The following PPARGC1A variants were observed in gnomAD, a reference collection of about 807,000 sequenced individuals.
PPARGC1A encodes the protein PPARG coactivator 1 alpha, also known as peroxisome proliferator-activated receptor gamma coactivator 1-alpha.
Under a neutral mutation model 88.7 loss-of-function variants are expected in PPARGC1A, and 25 were observed. The ratio of observed to expected loss-of-function variants is 0.28; its 90% CI spans 0.21 to 0.39. PPARGC1A has a LOEUF of 0.39. Among genes scored for constraint, PPARGC1A ranks in the 10% least tolerant of loss-of-function variants. The pLI is 1.00. For synonymous variants in PPARGC1A, 363 were observed against 355.6 expected (o/e 1.02, Z -0.24); for missense variants, 880 against 968.7 (o/e 0.91, Z 1.22).
At chr4:24,201,703 A>G in the PPARGC1A span, among the ~76,000 whole-genome samples, 4 of 152,354 alleles carry the variant, frequency 2.6e-5, no homozygotes, top group East Asian at 7.7e-4. Flanking sequence ...ACACATAAAA[A>G]TTATGAAAGT....
At chr4:24,142,842 G>GT in the PPARGC1A span, among the ~76,000 whole-genome samples, 17 of 152,270 alleles carry the variant, frequency 1.1e-4, no homozygotes, top group African/African-American at 4.1e-4. Context: ...AGAGTTCTAA[G>GT]TTTTAGAATT....
chr4:24,119,363 G>T, the PPARGC1A span, among the ~76,000 whole-genome samples: 2 of 152,118 alleles, frequency 1.3e-5, no homozygotes, highest in Non-Finnish European at 2.9e-5. Flanking sequence ...TGTTTCACCA[G>T]ACCTGAAAGA....
At chr4:23,908,879 A>G (rs1720393954), upstream of PPARGC1A, among the ~76,000 whole-genome samples, 1 of 152,196 alleles carries the variant, frequency 6.6e-6, no homozygotes, top group African/African-American at 2.4e-5. Context: ...TGTAGAACAC[A>G]AGATAAAAGT....
the PPARGC1A span, among the ~76,000 whole-genome samples, chr4:24,162,351 C>T: frequency 1.3e-5 from 2 of 152,098 alleles, no homozygotes; most frequent in Non-Finnish European, 2.9e-5. Flanking sequence ...ACCTGTTCCC[C>T]AATAACCTAT....
At chr4:24,048,610 C>T in the PPARGC1A span, among the ~76,000 whole-genome samples, 1 of 152,314 alleles carries the variant, frequency 6.6e-6, no homozygotes, top group East Asian at 1.9e-4. Context: ...TCAAGCCAGT[C>T]TTGCCAATAT....
intron 10 of PPARGC1A, among the ~76,000 whole-genome samples, chr4:23,807,724 GT>G (rs907003976): frequency 2.0e-5 from 3 of 151,578 alleles, no homozygotes; most frequent in African/African-American, 4.9e-5. Flanking sequence ...CTTGTGTTGT[GT>G]TTTTTTCTTT....
At chr4:24,074,310 C>A in the PPARGC1A span, among the ~76,000 whole-genome samples, 1 of 151,786 alleles carries the variant, frequency 6.6e-6, no homozygotes, top group Admixed American at 6.6e-5. Context: ...CTACCAATTT[C>A]CGTTTCCTCA....
chr4:24,030,642 T>C, the PPARGC1A span, among the ~76,000 whole-genome samples: 2 of 152,176 alleles, frequency 1.3e-5, no homozygotes. Context: ...TTCTCACTTG[T>C]GTTAAAAATG....
chr4:24,066,849 G>GTTTTTTT, the PPARGC1A span, among the ~76,000 whole-genome samples: 20 of 100,860 alleles, frequency 2.0e-4, no homozygotes, highest in South Asian at 3.2e-4. Context: ...TTTGTTTTGG[G>GTTTTTTT]TTTTTTTTTT....
At chr4:24,378,729 T>G in the PPARGC1A span, among the ~76,000 whole-genome samples, 1 of 152,198 alleles carries the variant, frequency 6.6e-6, no homozygotes, top group Non-Finnish European at 1.5e-5. Context: ...CATAATAGCT[T>G]TCATCTTCAA....
chr4:24,355,732 C>A, the PPARGC1A span, among the ~76,000 whole-genome samples: 1 of 152,050 alleles, frequency 6.6e-6, no homozygotes, highest in African/African-American at 2.4e-5. Flanking sequence ...CACAAACCCG[C>A]CGAGAGACAA....
the PPARGC1A span, among the ~76,000 whole-genome samples, chr4:24,315,434 G>A: frequency 0.26 from 40,172 of 152,042 alleles, 5,593 homozygotes; most frequent in African/African-American, 0.35. Context: ...CATAGCGTTA[G>A]GTGCCAAACA....
the PPARGC1A span, among the ~76,000 whole-genome samples, chr4:24,060,140 A>T: frequency 1.3e-5 from 2 of 152,198 alleles, no homozygotes; most frequent in Non-Finnish European, 2.9e-5. Context: ...GAAGATGTGA[A>T]TAAAGATTGA....
At chr4:24,321,650 C>T in the PPARGC1A span, among the ~76,000 whole-genome samples, 1 of 152,224 alleles carries the variant, frequency 6.6e-6, no homozygotes, top group African/African-American at 2.4e-5. Context: ...TTGTCAGAAG[C>T]TGCAGAATGT....
chr4:23,977,874 A>T, the PPARGC1A span, among the ~76,000 whole-genome samples: 2 of 152,164 alleles, frequency 1.3e-5, no homozygotes, highest in Non-Finnish European at 2.9e-5. Flanking sequence ...TTTTCAAGAC[A>T]TTTCTGTATT....
the PPARGC1A span, among the ~76,000 whole-genome samples, chr4:23,919,867 T>G: frequency 7.2e-5 from 11 of 152,106 alleles, no homozygotes; most frequent in Admixed American, 1.3e-4. Context: ...TTGGATCAAA[T>G]CGGAAGAATC....
chr4:24,440,853 A>G, the PPARGC1A span, among the ~76,000 whole-genome samples: 1 of 152,232 alleles, frequency 6.6e-6, no homozygotes, highest in East Asian at 1.9e-4. Flanking sequence ...AATTGCCAAC[A>G]TTTAAAAATC....
chr4:24,149,071 T>C, the PPARGC1A span, among the ~76,000 whole-genome samples: 2 of 151,648 alleles, frequency 1.3e-5, no homozygotes, highest in Non-Finnish European at 2.9e-5. Flanking sequence ...ACTATACTTA[T>C]TTGTAAGTTG....
At chr4:23,810,738 GA>G (rs1423342808) in intron 10 of PPARGC1A, among the ~76,000 whole-genome samples, 3 of 151,954 alleles carry the variant, frequency 2.0e-5, no homozygotes, top group Non-Finnish European at 1.5e-5. Context: ...ATTTTTGGGG[GA>G]AAAATGAAGG....
Sources: allele counts gnomAD v4.1 joint callset (sites outside exome capture counted in the v4.1 genomes callset), GRCh38; gene constraint gnomAD v4.1.1; transcripts MANE v1.5; gene names NCBI Gene and HGNC (gene_info 2026-07-23, HGNC 2026-07-21).